SLC35F3: variants seen among roughly 807,000 people sequenced by gnomAD.
The protein encoded by SLC35F3 is putative thiamine transporter SLC35F3.
Under a neutral mutation model 49.9 loss-of-function variants are expected in SLC35F3, and 25 were observed. That is an observed-to-expected ratio of 0.50 (90% confidence interval 0.37 to 0.70). The LOEUF is 0.70. SLC35F3 is among the 30% of genes least tolerant of loss of function. The pLI is 0.00. For missense variants in SLC35F3, 525 were observed against 639.8 expected, an observed-to-expected ratio of 0.82 and a Z score of 1.94; for synonymous variants, 275 against 265.4, an observed-to-expected ratio of 1.04 and a Z score of -0.35.
chr1:233,945,558 A>G (rs1355100130), intron 2 of SLC35F3, among the ~76,000 whole-genome samples: 1 of 152,206 alleles, frequency 6.6e-6, no homozygotes, highest in Admixed American at 6.5e-5. Flanking sequence ...CAAATTGTTC[A>G]GGTCACATAT....
At chr1:234,025,387 A>G (rs1663962161) in intron 2 of SLC35F3, among the ~76,000 whole-genome samples, 3 of 152,366 alleles carry the variant, frequency 2.0e-5, no homozygotes, top group Middle Eastern at 3.4e-3. Context: ...TCTTTGAGAA[A>G]TCTCCAAACT....
intron 2 of SLC35F3, among the ~76,000 whole-genome samples, chr1:233,913,403 G>A (rs1215856640): frequency 6.6e-6 from 1 of 152,194 alleles, no homozygotes; most frequent in Non-Finnish European, 1.5e-5. Context: ...CTGATTACAG[G>A]AGGTGCTCTT....
intron 3 of SLC35F3, among the ~76,000 whole-genome samples, chr1:234,234,353 G>T (rs4920226): frequency 1.3e-5 from 2 of 151,868 alleles, no homozygotes; most frequent in Non-Finnish European, 2.9e-5. Flanking sequence ...CAACTGAGCC[G>T]CTTCCCCAGG....
chr1:234,058,791 C>G (rs1012111256), intron 2 of SLC35F3, among the ~76,000 whole-genome samples: 1 of 151,482 alleles, frequency 6.6e-6, no homozygotes, highest in African/African-American at 2.4e-5. Context: ...AGAAGTGTTC[C>G]TCATTTTTTT....
chr1:234,079,552 ACT>A (rs1266373968), intron 2 of SLC35F3, among the ~76,000 whole-genome samples: 1 of 152,220 alleles, frequency 6.6e-6, no homozygotes, highest in East Asian at 1.9e-4. Context: ...CAACAATAAA[ACT>A]CAACAATAAA....
chr1:234,299,909 A>G (rs1348050372), intron 3 of SLC35F3, among the ~76,000 whole-genome samples: 2 of 152,018 alleles, frequency 1.3e-5, no homozygotes, highest in Admixed American at 6.6e-5. Flanking sequence ...TAAAAGAGAG[A>G]AAGAAAGAAA....
chr1:234,173,596 T>C (rs1666432716), intron 2 of SLC35F3, among the ~76,000 whole-genome samples: 1 of 152,232 alleles, frequency 6.6e-6, no homozygotes, highest in African/African-American at 2.4e-5. Context: ...AAGCACTGGC[T>C]AAGCATGGTT....
At position 234,120,442 on chromosome 1, in the gene SLC35F3, A is replaced by G. The variant is rs374476422; in HGVS notation, c.284-110975A>G. On this transcript the variant is annotated intron_variant, in intron 2 of 7. Transcript: ENST00000366618. Reference sequence around the variant, plus strand: ...AACCGTGCTCAGCATGTCCATATATACATTTGAATCCTTTGAGAACCGCAG... The same window carrying G: ...AACCGTGCTCAGCATGTCCATATATGCATTTGAATCCTTTGAGAACCGCAG... Among the ~76,000 whole-genome samples, 17 of 152,342 alleles carry G rather than the reference A, an allele frequency of 1.1e-4. No homozygotes were observed. In the South Asian group the frequency reaches 3.3e-3, roughly 30 times the overall value.
intron 2 of SLC35F3, among the ~76,000 whole-genome samples, chr1:234,186,844 G>C (rs1378815594): frequency 6.6e-6 from 1 of 152,200 alleles, no homozygotes; most frequent in Non-Finnish European, 1.5e-5. Context: ...AGGCCCCATA[G>C]TGAGCCTGAG....
intron 2 of SLC35F3, among the ~76,000 whole-genome samples, chr1:234,206,058 C>T (rs1666965474): frequency 6.6e-6 from 1 of 152,068 alleles, no homozygotes; most frequent in African/African-American, 2.4e-5. Context: ...ATGAGGGGCA[C>T]GTGGCAGCTG....
chr1:234,260,714 G>A (rs1667889913), intron 3 of SLC35F3, among the ~76,000 whole-genome samples: 1 of 152,180 alleles, frequency 6.6e-6, no homozygotes, highest in African/African-American at 2.4e-5. Context: ...CGATCTTAAT[G>A]TAGTCAGGTT....
chr1:234,147,230 C>CTTTTTTTT (rs201359916), intron 2 of SLC35F3, among the ~76,000 whole-genome samples: 52 of 125,094 alleles, frequency 4.2e-4, no homozygotes, highest in Non-Finnish European at 7.1e-4. Flanking sequence ...TTTCTATTTT[C>CTTTTTTTT]TTTTTTTTTT....
intron 2 of SLC35F3, among the ~76,000 whole-genome samples, chr1:234,123,224 G>A (rs1665601902): frequency 6.6e-6 from 1 of 152,192 alleles, no homozygotes; most frequent in African/African-American, 2.4e-5. Flanking sequence ...GATCAGTGAT[G>A]ATGAGCTTTT....
At chr1:234,280,539 G>A (rs536818366) in intron 3 of SLC35F3, among the ~76,000 whole-genome samples, 1 of 152,284 alleles carries the variant, frequency 6.6e-6, no homozygotes, top group East Asian at 1.9e-4. Context: ...CCTTCAGAAT[G>A]GAGTGTGGGT....
At chr1:234,159,409 T>C (rs1300685251) in intron 2 of SLC35F3, among the ~76,000 whole-genome samples, 1 of 152,056 alleles carries the variant, frequency 6.6e-6, no homozygotes, top group African/African-American at 2.4e-5. Flanking sequence ...AAACGCCGTC[T>C]CTACCAAAAA....
intron 4 of SLC35F3, among the ~76,000 whole-genome samples, chr1:234,310,179 G>T (rs779015742): frequency 2.6e-5 from 4 of 152,148 alleles, no homozygotes; most frequent in Non-Finnish European, 4.4e-5. Context: ...ACAAACCAGC[G>T]CCGAGAGCAT....
intron 2 of SLC35F3, among the ~76,000 whole-genome samples, chr1:234,121,878 A>G (rs909526350): frequency 1.3e-5 from 2 of 152,176 alleles, no homozygotes; most frequent in Admixed American, 6.5e-5. Context: ...CCACATCGCT[A>G]CAAAGGACAT....
At chr1:234,165,582 T>C (rs756381108) in intron 2 of SLC35F3, among the ~76,000 whole-genome samples, 12 of 152,200 alleles carry the variant, frequency 7.9e-5, no homozygotes, top group African/African-American at 1.2e-4. Flanking sequence ...AATGGGATCT[T>C]GCTATGTTGC....
At chr1:234,176,341 T>C (rs929355837) in intron 2 of SLC35F3, among the ~76,000 whole-genome samples, 3 of 152,196 alleles carry the variant, frequency 2.0e-5, no homozygotes, top group Non-Finnish European at 4.4e-5. Context: ...AAGAGAAAGC[T>C]GCTCCATCTG....
Sources: gnomAD v4.1 joint callset for allele counts (sites outside exome capture counted in the v4.1 genomes callset) on GRCh38, gnomAD v4.1.1 for gene constraint, MANE v1.5 for transcripts, NCBI Gene and HGNC (gene_info 2026-07-23, HGNC 2026-07-21) for gene names.